SULF2: variants seen among roughly 807,000 people sequenced by gnomAD.
The protein encoded by SULF2 is extracellular sulfatase Sulf-2.
In SULF2, 52 loss-of-function variants were observed where a neutral mutation model predicts 107.7. The observed-to-expected ratio is 0.48, with a 90% CI of 0.39 to 0.61. The LOEUF (loss-of-function observed/expected upper bound fraction) is 0.61, where lower values mean the gene tolerates loss of function less well. SULF2 is among the 20% of genes least tolerant of loss of function. SULF2 has a pLI of 0.00. For missense variants in SULF2, 993 were observed against 1,177.3 expected (o/e 0.84, Z 2.29); for synonymous variants, 460 against 464.3 (o/e 0.99, Z 0.12).
intron 1 of SULF2, among the ~76,000 whole-genome samples, chr20:47,760,190 AG>A (rs2090387757): frequency 6.6e-6 from 1 of 152,150 alleles, no homozygotes; most frequent in South Asian, 2.1e-4. Context: ...GAAAAACCCC[AG>A]GAAGGGTCAC....
At chr20:47,767,354 G>C (rs1253268526) in intron 1 of SULF2, among the ~76,000 whole-genome samples, 1 of 152,174 alleles carries the variant, frequency 6.6e-6, no homozygotes, top group East Asian at 1.9e-4. Context: ...AATTTTCTTG[G>C]GAGTCTGAGG....
chr20:47,779,594 G>A (rs867048353), intron 1 of SULF2, among the ~76,000 whole-genome samples: 3 of 152,086 alleles, frequency 2.0e-5, no homozygotes, highest in Non-Finnish European at 4.4e-5. Flanking sequence ...ACCCTCCAAT[G>A]GTTCTCCATT....
At chr20:47,740,291 G>A (rs562587093) in intron 2 of SULF2, among the ~76,000 whole-genome samples, 1 of 152,308 alleles carries the variant, frequency 6.6e-6, no homozygotes, top group African/African-American at 2.4e-5. Flanking sequence ...GAGGCGGGGT[G>A]CTGAGTTTCA....
At chr20:47,727,212 G>A (rs978218572) in intron 3 of SULF2, among the ~76,000 whole-genome samples, 4 of 152,308 alleles carry the variant, frequency 2.6e-5, no homozygotes, top group East Asian at 1.9e-4. Context: ...GGATCAGAGC[G>A]GGCTCTAGTC....
chr20:47,678,666 C>T lies in SULF2; in HGVS notation c.1193+10G>A. On this transcript the variant is annotated intron_variant, in intron 8 of 20. Coordinates refer to ENST00000688720, the MANE Select transcript of SULF2 (RefSeq NM_001387048.1). The surrounding 1 kb of genome is among the most constrained non-coding windows in gnomAD (Gnocchi z 4.5). Reference sequence around the variant, plus strand: ...CGGCCCCCTCAACACCTGCCCTGCTCCGTCCTCACCGATTCACCGGCCGCT... The same window carrying T: ...CGGCCCCCTCAACACCTGCCCTGCTTCGTCCTCACCGATTCACCGGCCGCT... 1 of 1,613,566 alleles carries T rather than the reference C, an allele frequency of 6.2e-7. No individual in the cohort carries two copies. The highest frequency in any genetic ancestry group is 8.5e-7 in the Non-Finnish European group (1 of 1,179,904).
At chr20:47,742,314 A>C (rs1423862702) in intron 2 of SULF2, among the ~76,000 whole-genome samples, 1 of 152,238 alleles carries the variant, frequency 6.6e-6, no homozygotes, top group Admixed American at 6.5e-5. Context: ...CCAGTTTTCA[A>C]GCTTTTCAAT....
chr20:47,663,431 C>G (rs1477660625), intron 16 of SULF2, 22 bp downstream of exon 16: 1 of 1,605,296 alleles, frequency 6.2e-7, no homozygotes, highest in South Asian at 1.1e-5. Flanking sequence ...AGCCTGTCCA[C>G]CCCTGCCCTG....
intron 3 of SULF2, among the ~76,000 whole-genome samples, chr20:47,704,880 G>C (rs1019472402): frequency 5.9e-5 from 9 of 152,164 alleles, no homozygotes; most frequent in African/African-American, 2.2e-4. Flanking sequence ...GAGGAGAGTG[G>C]GTGGGATGGG....
Position 47,683,173 on chromosome 20 carries a change from C to T in SULF2, c.889-4G>A. 1 of 1,589,206 alleles carries T rather than the reference C, an allele frequency of 6.3e-7. No individual in the cohort carries two copies. The highest frequency in any genetic ancestry group is 1.7e-4 in the Middle Eastern group (1 of 5,962). On this transcript the variant is annotated splice_polypyrimidine_tract_variant and splice_region_variant and intron_variant, in intron 6 of 20. Coordinates refer to ENST00000688720, the MANE Select transcript of SULF2 (RefSeq NM_001387048.1). ...TCTCAACCAGCATGTTGTAAATCTG[C>T]AACACGGGCGAGGAGGCAAGGGACA... is the stretch of plus-strand genomic sequence containing the variant.
chr20:47,767,414 G>T (rs147064653), intron 1 of SULF2, among the ~76,000 whole-genome samples: 1 of 152,188 alleles, frequency 6.6e-6, no homozygotes, highest in Non-Finnish European at 1.5e-5. Context: ...GGAGGCCAAG[G>T]CAGGTGGATC....
chr20:47,668,638 G>A (rs543061821), intron 11 of SULF2, among the ~76,000 whole-genome samples: 84 of 152,338 alleles, frequency 5.5e-4, no homozygotes, highest in African/African-American at 1.9e-3. Flanking sequence ...CCCTACAAAG[G>A]CTCCTTGGAG....
rs1451498311 is a variant in SULF2, at chr20:47,666,446, A to T, written c.1619T>A (p.Val540Glu). ...SYVRSRSIRSVAIEVDGRVYH... is the reference protein window; with the variant it reads ...SYVRSRSIRSEAIEVDGRVYH... ...CACCCTGCCGTCCACCTCGATGGCC[A>T]CTGAGCGGATGGAGCGACTGCGGAC... The change falls in exon 12 of 21, where the codon GTG (valine) becomes GAG (glutamate). Residue 540 changes from valine (V) to glutamate (E), a missense_variant. Coordinates refer to ENST00000688720, the MANE Select transcript of SULF2 (RefSeq NM_001387048.1). This position sits in a 1 kb window ranked among gnomAD's most constrained non-coding sequence, Gnocchi z 5.4. 1 of 1,613,640 alleles carries T rather than the reference A, an allele frequency of 6.2e-7. No homozygotes were observed. The highest frequency in any genetic ancestry group is 8.5e-7 in the Non-Finnish European group (1 of 1,180,036).
At position 47,670,127 on chromosome 20, in the gene SULF2, G is replaced by A. The variant is rs553693102; in HGVS notation, c.1576+2071C>T. 6.6e-5 allele frequency among the ~76,000 whole-genome samples: 10 copies of A among 152,264 alleles called. No homozygotes were observed. In the South Asian group the frequency reaches 1.7e-3, roughly 25 times the overall value. The stretch of plus-strand genomic sequence containing the variant: ...TGGCTGGACCAGAGGAGATCACTGC[G>A]CCTGCCGTCAGAGACCTCAATCTCT... On this transcript the variant is annotated intron_variant, in intron 11 of 20. Coordinates refer to ENST00000688720, the MANE Select transcript of SULF2 (RefSeq NM_001387048.1).
At chr20:47,714,081 C>T (rs368426772) in intron 3 of SULF2, among the ~76,000 whole-genome samples, 7 of 152,220 alleles carry the variant, frequency 4.6e-5, no homozygotes, top group African/African-American at 7.2e-5. Flanking sequence ...GAGAGGTCGG[C>T]GAAAGATGAA....
intron 2 of SULF2, among the ~76,000 whole-genome samples, chr20:47,748,741 T>G (rs535835326): frequency 1.3e-5 from 2 of 152,104 alleles, no homozygotes; most frequent in Non-Finnish European, 2.9e-5. Flanking sequence ...TCCTCCACCT[T>G]CCTCTCTGTG....
At chr20:47,714,987 G>A (rs761039979) in intron 3 of SULF2, among the ~76,000 whole-genome samples, 52 of 152,068 alleles carry the variant, frequency 3.4e-4, no homozygotes, top group Non-Finnish European at 6.8e-4. Flanking sequence ...GTGCGGTCGT[G>A]GCTCACTGTA....
chr20:47,689,468 A>T (rs2088124769), intron 5 of SULF2: 1 of 152,298 alleles, frequency 6.6e-6, no homozygotes, highest in Non-Finnish European at 1.5e-5. Flanking sequence ...AGACCCAGCC[A>T]TGGGACTGAG....
intron 3 of SULF2, among the ~76,000 whole-genome samples, chr20:47,712,029 T>C (rs992926894): frequency 6.6e-6 from 1 of 152,172 alleles, no homozygotes; most frequent in Admixed American, 6.5e-5. Context: ...TAAAAGCACA[T>C]ATACACACAT....
intron 11 of SULF2, among the ~76,000 whole-genome samples, chr20:47,667,421 T>A (rs1039332047): frequency 6.6e-6 from 1 of 152,184 alleles, no homozygotes; most frequent in Non-Finnish European, 1.5e-5. Context: ...GTAGCCTGTA[T>A]CTTCTATGTC....
Sources: allele counts gnomAD v4.1 joint callset (sites outside exome capture counted in the v4.1 genomes callset), GRCh38; gene constraint gnomAD v4.1.1; non-coding constraint Gnocchi (gnomAD v3.1); transcripts MANE v1.5; gene names NCBI Gene and HGNC (gene_info 2026-07-23, HGNC 2026-07-21).